Variants in PYY observed in about 807,000 individuals in gnomAD.
PYY encodes the protein peptide YY, also known as peptide tyrosine tyrosine.
Under a neutral mutation model 10.3 loss-of-function variants are expected in PYY, and 12 were observed. The observed-to-expected ratio is 1.17, with a 90% CI of 0.75 to 1.89. The LOEUF (loss-of-function observed/expected upper bound fraction) is 1.89. Ranked by LOEUF, PYY falls within the 40% of genes most tolerant of loss-of-function variation. The pLI is 0.00. For missense variants in PYY, 141 were observed against 134.0 expected (o/e 1.05, Z -0.26); for synonymous variants, 66 against 62.0 (o/e 1.06, Z -0.30).
intron 1 of PYY, among the ~76,000 whole-genome samples, chr17:43,991,829 A>G (rs1163450406): frequency 6.6e-6 from 1 of 151,802 alleles, no homozygotes; most frequent in East Asian, 1.9e-4. Context: ...CTCAAAAGAA[A>G]AAAAAAAAAG....
intron 2 of PYY, among the ~76,000 whole-genome samples, chr17:43,963,590 GAAAGAA>G (rs1555617087): frequency 3.1e-5 from 2 of 64,752 alleles, no homozygotes; most frequent in South Asian, 1.1e-3. Context: ...AAGAAAGAAA[GAAAGAA>G]AGAAAGAAAG....
chr17:43,990,586 C>T (rs1427111427), intron 1 of PYY, among the ~76,000 whole-genome samples: 1 of 152,026 alleles, frequency 6.6e-6, no homozygotes, highest in African/African-American at 2.4e-5. Context: ...ATTACTTTTG[C>T]ACCAACCTAA....
intron 1 of PYY, among the ~76,000 whole-genome samples, chr17:43,973,417 C>G (rs1391666115): frequency 6.6e-6 from 1 of 152,268 alleles, no homozygotes; most frequent in South Asian, 2.1e-4. Context: ...CACCAAGTAC[C>G]AGAAGGGGCT....
At chr17:43,977,853 G>C (rs1053376830) in intron 1 of PYY, among the ~76,000 whole-genome samples, 4 of 152,130 alleles carry the variant, frequency 2.6e-5, no homozygotes, top group Admixed American at 6.6e-5. Context: ...GGGTTCCTCA[G>C]TGAGCCTCAG....
upstream of PYY, among the ~76,000 whole-genome samples, chr17:43,957,756 T>G (rs1678663823): frequency 6.6e-6 from 1 of 152,170 alleles, no homozygotes; most frequent in South Asian, 2.1e-4. Flanking sequence ...CTCATGTCTT[T>G]CCCAGTGCGC....
intron 1 of PYY, among the ~76,000 whole-genome samples, chr17:43,989,191 G>T (rs79930350): frequency 0.025 from 3,818 of 152,004 alleles, 168 homozygotes; most frequent in African/African-American, 0.086. Context: ...TGGCTAACAC[G>T]GTGAAACCCC....
rs529327957 is a variant in PYY, at chr17:43,983,246, A to AAAC, written c.-462-16717_-462-16715dup. ...TGCTGTCTTAAAACAAACAAACAAA[A>AAAC]AACAACAACAACAACAACAACAAAA... On this transcript the variant is annotated intron_variant, in intron 1 of 6. Coordinates refer to the PYY transcript ENST00000360085. 3.0e-3 allele frequency among the ~76,000 whole-genome samples: 454 copies of AAAC among 152,050 alleles called. 1 individual carries two copies. The highest frequency in any genetic ancestry group is 5.0e-3 in the African/African-American group (209 of 41,468).
intron 2 of PYY, among the ~76,000 whole-genome samples, chr17:43,960,317 T>A (rs962045238): frequency 1.4e-5 from 2 of 146,906 alleles, no homozygotes; most frequent in African/African-American, 5.1e-5. Flanking sequence ...CCAAGGCGGG[T>A]GGGTCACCTG....
chr17:43,999,021 C>T (rs550780844), intron 1 of PYY, among the ~76,000 whole-genome samples: 2 of 152,030 alleles, frequency 1.3e-5, no homozygotes, highest in African/African-American at 2.4e-5. Context: ...CACAGGATCC[C>T]GAGAGAGAGA....
At chr17:43,991,983 G>C (rs745513301) in intron 1 of PYY, among the ~76,000 whole-genome samples, 2 of 151,822 alleles carry the variant, frequency 1.3e-5, no homozygotes, top group Non-Finnish European at 2.9e-5. Flanking sequence ...TTAGCTGGGC[G>C]TGGTGGCGGG....
intron 1 of PYY, among the ~76,000 whole-genome samples, chr17:43,977,265 A>G (rs551480893): frequency 6.7e-4 from 102 of 152,306 alleles, no homozygotes; most frequent in African/African-American, 2.4e-3. Context: ...AGGGCTCTGC[A>G]GAAAGCCATT....
In PYY at chr17:43,952,888, G is replaced by C. The variant is rs2048640818; in HGVS notation, c.*68C>G. 20 of 1,464,592 alleles carry C rather than the reference G, an allele frequency of 1.4e-5. No individual in the cohort carries two copies. The highest frequency in any genetic ancestry group is 1.8e-5 in the Non-Finnish European group (20 of 1,099,236). The allele number at this position is 1,464,592 out of a possible 1,614,324, so 90.7% of individuals were successfully genotyped here. ...TCGGGAGGCAGAATCCGGGTTTCTG[G>C]GGTCGGGAGTGCGTATGCAAATGAC... On this transcript the variant is annotated 3_prime_UTR_variant, in exon 4 of 4. Coordinates refer to ENST00000692052, the MANE Select transcript of PYY (RefSeq NM_001394028.1).
chr17:43,969,745 A>C (rs2048777270), intron 1 of PYY, among the ~76,000 whole-genome samples: 1 of 69,328 alleles, frequency 1.4e-5, no homozygotes, highest in Non-Finnish European at 2.5e-5. Flanking sequence ...CTCTACAAAA[A>C]AAACTTTTTT....
intron 2 of PYY, among the ~76,000 whole-genome samples, chr17:43,960,751 G>A (rs2048706838): frequency 6.6e-6 from 1 of 151,340 alleles, no homozygotes; most frequent in African/African-American, 2.4e-5. Flanking sequence ...TCAGGAGACT[G>A]AGGCAGCAGA....
intron 1 of PYY, among the ~76,000 whole-genome samples, chr17:43,981,746 C>T (rs979380430): frequency 5.9e-5 from 9 of 152,150 alleles, no homozygotes; most frequent in South Asian, 2.1e-4. Flanking sequence ...CCTCGGCCTC[C>T]GAAAGTGCTG....
At chr17:44,003,157 G>GAGT (rs1230949962) in intron 1 of PYY, among the ~76,000 whole-genome samples, 5 of 152,084 alleles carry the variant, frequency 3.3e-5, no homozygotes, top group African/African-American at 1.2e-4. Context: ...CTGGCCTCCT[G>GAGT]AGTAGCTGGG....
In PYY at chr17:43,952,898, T is replaced by C; in HGVS notation, c.*58A>G. Reference sequence around the variant, plus strand: ...GAATCCGGGTTTCTGGGGTCGGGAGTGCGTATGCAAATGACGTGGGCGTGG... The same window carrying C: ...GAATCCGGGTTTCTGGGGTCGGGAGCGCGTATGCAAATGACGTGGGCGTGG... On this transcript the variant is annotated 3_prime_UTR_variant, in exon 4 of 4. Coordinates refer to ENST00000692052, the MANE Select transcript of PYY (RefSeq NM_001394028.1). 8.1e-6 allele frequency: 12 copies of C among 1,488,598 alleles called. No homozygotes were observed. The highest frequency in any genetic ancestry group is 1.1e-5 in the Non-Finnish European group (12 of 1,115,974). 92.2% of individuals were successfully genotyped at this position (1,488,598 alleles called of 1,614,324 possible). A position where few individuals can be genotyped will look rare whatever the true frequency, so the allele number is the denominator to read the frequency against.
intron 1 of PYY, among the ~76,000 whole-genome samples, chr17:43,994,087 C>T (rs1050173349): frequency 6.6e-6 from 1 of 152,060 alleles, no homozygotes; most frequent in African/African-American, 2.4e-5. Context: ...CTCCTGGGCT[C>T]AAGTGATCCT....
chr17:43,970,470 G>C (rs1028486079), intron 1 of PYY, among the ~76,000 whole-genome samples: 1 of 151,176 alleles, frequency 6.6e-6, no homozygotes, highest in Non-Finnish European at 1.5e-5. Context: ...TTGCACCATT[G>C]CACTCCAGCC....
Sources: gnomAD v4.1 joint callset for allele counts (sites outside exome capture counted in the v4.1 genomes callset) on GRCh38, gnomAD v4.1.1 for gene constraint, MANE v1.5 for transcripts, NCBI Gene and HGNC (gene_info 2026-07-23, HGNC 2026-07-21) for gene names.